The following GRIK1 variants were observed in gnomAD, a reference collection of about 807,000 sequenced individuals.
GRIK1 encodes glutamate receptor ionotropic, kainate 1.
GRIK1 carries 69 observed loss-of-function variants against 105.7 expected under a neutral mutation model. The observed-to-expected ratio is 0.65, with a 90% confidence interval of 0.54 to 0.80. The LOEUF is 0.80. GRIK1 is among the 30% of genes least tolerant of loss of function. The pLI, the probability that GRIK1 is intolerant of heterozygous loss-of-function variation, is 0.00. For missense variants in GRIK1, 1,109 were observed against 1,167.3 expected, an observed-to-expected ratio of 0.95 and a Z score of 0.73; for synonymous variants, 438 against 431.3, an observed-to-expected ratio of 1.02 and a Z score of -0.19.
Position 29,576,594 on chromosome 21 carries a change from T to C in GRIK1, c.2130+370A>G, listed in dbSNP as rs1362395527. 2.6e-5 allele frequency among the ~76,000 whole-genome samples: 4 copies of C among 152,312 alleles called. No homozygotes were observed. In the East Asian group the frequency reaches 7.7e-4, roughly 29 times the overall value. ...GTATTCTGGTTACCAGAATTCTTGA[T>C]TAAGGAACCTTTATTTTATGGGTTC... On this transcript the variant is annotated intron_variant, in intron 14 of 17. Coordinates refer to ENST00000327783, the MANE Select transcript of GRIK1 (RefSeq NM_001330994.2).
chr21:29,723,186 T>A (rs1331941604), intron 1 of GRIK1, among the ~76,000 whole-genome samples: 2 of 152,232 alleles, frequency 1.3e-5, no homozygotes, highest in Non-Finnish European at 2.9e-5. Context: ...ATTTATAGTT[T>A]GGAAATGCTC....
intron 1 of GRIK1, among the ~76,000 whole-genome samples, chr21:29,728,671 G>A (rs566443276): frequency 1.3e-5 from 2 of 152,276 alleles, no homozygotes; most frequent in South Asian, 2.1e-4. Context: ...ACTGATGGAC[G>A]TTCACCATGT....
At chr21:29,692,882 A>AT (rs1313408746) in intron 2 of GRIK1, among the ~76,000 whole-genome samples, 7 of 152,118 alleles carry the variant, frequency 4.6e-5, no homozygotes, top group Admixed American at 3.9e-4. Context: ...TATGTTGTTA[A>AT]TTTTTTATCT....
rs942854992 is a variant in GRIK1 at position 29,933,982 on chromosome 21, CT to C, written c.118+5400del. Among the ~76,000 whole-genome samples, 13 of 124,732 alleles carry C rather than the reference CT, an allele frequency of 1.0e-4. 1 individual carries two copies. Among genetic ancestry groups the C allele is most frequent in the African/African-American group, 3.8e-4 (13 of 34,210 alleles). 81.8% of individuals were successfully genotyped at this position (124,732 alleles called of 152,430 possible). A position where few individuals can be genotyped will look rare whatever the true frequency, so the allele number is the denominator to read the frequency against. ...CTACTCTTTCCTCTAGTCTAAATAG[CT>C]TTTGGAAAATTTTAGAATATTTCCT... On this transcript the variant is annotated intron_variant, in intron 1 of 17. Transcript: ENST00000327783.
intron 7 of GRIK1, among the ~76,000 whole-genome samples, chr21:29,605,843 T>G (rs573564668): frequency 5.5e-4 from 84 of 152,328 alleles, no homozygotes; most frequent in Non-Finnish European, 1.1e-3. Context: ...TGAGAGAGAC[T>G]TCTTATTCTT....
intron 1 of GRIK1, among the ~76,000 whole-genome samples, chr21:29,767,207 G>A (rs1365946876): frequency 2.0e-5 from 3 of 152,150 alleles, no homozygotes; most frequent in East Asian, 1.9e-4. Context: ...AAAATCAGGG[G>A]AAATGGTCAA....
chr21:29,558,119 C>T (rs2090302014), intron 15 of GRIK1, among the ~76,000 whole-genome samples: 1 of 152,040 alleles, frequency 6.6e-6, no homozygotes. Flanking sequence ...AGGTACATTT[C>T]CAGAGCTGTT....
chr21:29,889,840 G>C (rs2146215579), intron 1 of GRIK1, among the ~76,000 whole-genome samples: 1 of 151,964 alleles, frequency 6.6e-6, no homozygotes, highest in Admixed American at 6.5e-5. Flanking sequence ...GTATTAAATA[G>C]AATTATCCAT....
In GRIK1 at chr21:29,651,110, T is replaced by C. The variant is rs368566456; in HGVS notation, c.954+8A>G. ...TCTTGCAAATGATTTTATTTGAAAATGACTTACTGTCATCATGCCATCCAA... is the reference window on the plus strand; with the variant it reads ...TCTTGCAAATGATTTTATTTGAAAACGACTTACTGTCATCATGCCATCCAA... On this transcript the variant is annotated splice_region_variant and intron_variant, in intron 6 of 17. Coordinates refer to ENST00000327783, the MANE Select transcript of GRIK1 (RefSeq NM_001330994.2). 2.5e-6 allele frequency: 4 copies of C among 1,584,354 alleles called. No homozygotes were observed. In the African/African-American group the frequency reaches 4.1e-5, roughly 16 times the overall value.
chr21:29,683,833 A>G (rs918019523), intron 3 of GRIK1, among the ~76,000 whole-genome samples: 4 of 152,234 alleles, frequency 2.6e-5, no homozygotes, highest in Non-Finnish European at 5.9e-5. Flanking sequence ...ATGATATGAA[A>G]TACTTAATGA....
intron 5 of GRIK1, among the ~76,000 whole-genome samples, chr21:29,652,641 A>G (rs1372790319): frequency 3.9e-5 from 6 of 152,246 alleles, no homozygotes; most frequent in Admixed American, 3.3e-4. Flanking sequence ...AATAATTTCA[A>G]CTTTTTTCTT....
intron 12 of GRIK1, among the ~76,000 whole-genome samples, chr21:29,581,766 G>A (rs1199223596): frequency 6.6e-6 from 1 of 152,142 alleles, no homozygotes; most frequent in East Asian, 1.9e-4. Flanking sequence ...AGGCAAATTG[G>A]TCAGCTGGAA....
At chr21:29,794,197 A>G (rs1432604439) in intron 1 of GRIK1, among the ~76,000 whole-genome samples, 1 of 152,222 alleles carries the variant, frequency 6.6e-6, no homozygotes, top group African/African-American at 2.4e-5. Context: ...GACATTTCAT[A>G]ATGATCAAAT....
Position 29,782,932 on chromosome 21 carries a change from T to C in GRIK1, c.119-88869A>G, listed in dbSNP as rs1036771437. Among the ~76,000 whole-genome samples the C allele has an allele frequency of 2.0e-5, 3 of 152,210 alleles. No individual in the cohort carries two copies. The East Asian group carries it at 5.8e-4, about 29-fold the overall frequency. ...GTATTCACTTGATCATTTTTCATCT[T>C]GGTGTAAAATCGTAGGTGTGAAATT... On this transcript the variant is annotated intron_variant, in intron 1 of 17. Coordinates refer to ENST00000327783, the MANE Select transcript of GRIK1 (RefSeq NM_001330994.2).
intron 1 of GRIK1, among the ~76,000 whole-genome samples, chr21:29,801,851 C>T (rs1024704976): frequency 6.6e-6 from 1 of 152,160 alleles, no homozygotes; most frequent in African/African-American, 2.4e-5. Context: ...TTTGACGACT[C>T]TACCCACTCT....
chr21:29,761,485 G>C (rs528257114), intron 1 of GRIK1: 1 of 151,806 alleles, frequency 6.6e-6, no homozygotes, highest in African/African-American at 2.4e-5. Flanking sequence ...AGAAAAGATC[G>C]AATATTACTG....
chr21:29,668,889 G>A (rs1225595535), intron 4 of GRIK1, among the ~76,000 whole-genome samples: 1 of 152,192 alleles, frequency 6.6e-6, no homozygotes, highest in Non-Finnish European at 1.5e-5. Context: ...GAGGAGCAAT[G>A]GTTTCCACAT....
intron 1 of GRIK1, among the ~76,000 whole-genome samples, chr21:29,709,554 G>A (rs1003963650): frequency 2.6e-4 from 40 of 151,828 alleles, no homozygotes; most frequent in African/African-American, 9.4e-4. Context: ...TTGGAATTTT[G>A]TTGAGAATAT....
At chr21:29,832,143 C>T (rs189223168) in intron 1 of GRIK1, among the ~76,000 whole-genome samples, 2 of 152,334 alleles carry the variant, frequency 1.3e-5, no homozygotes, top group Admixed American at 1.3e-4. Context: ...CCAGGCCACA[C>T]TGATGCATGG....
Sources: allele counts gnomAD v4.1 joint callset (sites outside exome capture counted in the v4.1 genomes callset), GRCh38; gene constraint gnomAD v4.1.1; transcripts MANE v1.5; gene names NCBI Gene and HGNC (gene_info 2026-07-23, HGNC 2026-07-21).